Variants in FAM81B observed in about 807,000 individuals in gnomAD.
FAM81B encodes family with sequence similarity 81 member B.
A neutral mutation model predicts 58.7 loss-of-function variants in FAM81B; 60 were observed. The ratio of observed to expected loss-of-function variants is 1.02; its 90% CI spans 0.83 to 1.27. The LOEUF (loss-of-function observed/expected upper bound fraction) is 1.27, where lower values mean the gene tolerates loss of function less well. Among genes scored for constraint, FAM81B ranks in the 50% most tolerant of loss-of-function variants. The pLI is 0.00. For synonymous variants in FAM81B, 189 were observed against 179.6 expected, an observed-to-expected ratio of 1.05 and a Z score of -0.42; for missense variants, 491 against 522.0, an observed-to-expected ratio of 0.94 and a Z score of 0.58.
At chr5:95,440,251 A>T (rs537001681) in intron 7 of FAM81B, 17 of 730,778 alleles carry the variant, frequency 2.3e-5, no homozygotes, top group Admixed American at 7.2e-5. Context: ...TATGGAGATA[A>T]TGCTGAAAAA....
At chr5:95,446,479 CA>C in intron 7 of FAM81B, 82 bp from the exon 8 acceptor site, 1 of 1,334,760 alleles carries the variant, frequency 7.5e-7, no homozygotes, top group Non-Finnish European at 1.0e-6. Context: ...CTCGTCACCT[CA>C]AAAAACTGCA....
intron 3 of FAM81B, among the ~76,000 whole-genome samples, chr5:95,409,843 G>A (rs1261611489): frequency 1.3e-5 from 2 of 152,204 alleles, no homozygotes; most frequent in Non-Finnish European, 2.9e-5. Context: ...CAACAGGGAA[G>A]AAACAAACTT....
At chr5:95,441,600 T>C (rs1367344542) in intron 7 of FAM81B, among the ~76,000 whole-genome samples, 1 of 151,496 alleles carries the variant, frequency 6.6e-6, no homozygotes, top group Non-Finnish European at 1.5e-5. Flanking sequence ...TAAAACTATG[T>C]CTGCAAATTA....
chr5:95,440,187 C>A, intron 7 of FAM81B: 1 of 616,486 alleles, frequency 1.6e-6, no homozygotes, highest in South Asian at 1.4e-5. Context: ...TTTCAAGATT[C>A]AAGATCAACA....
intron 3 of FAM81B, among the ~76,000 whole-genome samples, chr5:95,399,425 G>A (rs964883150): frequency 1.3e-5 from 2 of 152,142 alleles, no homozygotes; most frequent in African/African-American, 4.8e-5. Context: ...TAGGTTGGAT[G>A]GTGCTACTAT....
At chr5:95,442,537 CATG>C in intron 7 of FAM81B, among the ~76,000 whole-genome samples, 1 of 152,302 alleles carries the variant, frequency 6.6e-6, no homozygotes. Context: ...TTGATCAATT[CATG>C]ATGTTTCCAT....
chr5:95,402,744 A>AG (rs1561291932), intron 3 of FAM81B, among the ~76,000 whole-genome samples: 5 of 152,142 alleles, frequency 3.3e-5, no homozygotes, highest in Admixed American at 2.6e-4. Context: ...ACATTAGCCA[A>AG]TAGCACCTCA....
At chr5:95,437,146 C>T (rs1287401685) in intron 7 of FAM81B, among the ~76,000 whole-genome samples, 1 of 152,054 alleles carries the variant, frequency 6.6e-6, no homozygotes, top group African/African-American at 2.4e-5. Flanking sequence ...ACTGAATTGA[C>T]ACAATCATTT....
intron 5 of FAM81B, among the ~76,000 whole-genome samples, chr5:95,426,268 G>C (rs908330682): frequency 6.1e-4 from 93 of 151,798 alleles, no homozygotes; most frequent in Non-Finnish European, 4.6e-4. Flanking sequence ...TTTTCTAATG[G>C]TGATGTACTA....
rs1761960464 is a variant in FAM81B at position 95,396,127 on chromosome 5, C to A, written c.245C>A (p.Ala82Asp). 1.9e-6 allele frequency: 3 copies of A among 1,607,976 alleles called. No homozygotes were observed. Among genetic ancestry groups the A allele is most frequent in the Non-Finnish European group, 2.5e-6 (3 of 1,177,830 alleles). The change falls in exon 3 of 10, where the codon GCC (alanine) becomes GAC (aspartate). Residue 82 changes from alanine to aspartate, a missense_variant. By Grantham distance (126) the Ala-to-Asp change is moderately radical. Coordinates refer to ENST00000283357, the MANE Select transcript of FAM81B (RefSeq NM_152548.3). ...NQEKKVRLSP[A>D]KMSTKNSTDL... ...TTGTTTTAGGTAAGATTATCTCCAGCCAAAATGTCAACCAAGAATTCTACA... is the reference window on the plus strand; with the variant it reads ...TTGTTTTAGGTAAGATTATCTCCAGACAAAATGTCAACCAAGAATTCTACA...
At chr5:95,415,822 A>T (rs1762525488) in intron 4 of FAM81B, among the ~76,000 whole-genome samples, 2 of 152,236 alleles carry the variant, frequency 1.3e-5, no homozygotes, top group South Asian at 4.1e-4. Context: ...AGATCCGCCC[A>T]GATGTACACT....
intron 7 of FAM81B, among the ~76,000 whole-genome samples, chr5:95,444,734 G>A (rs1275767781): frequency 6.6e-6 from 1 of 152,100 alleles, no homozygotes; most frequent in African/African-American, 2.4e-5. Context: ...AGAGAATTCA[G>A]AGGACAAAGA....
intron 3 of FAM81B, chr5:95,410,629 A>G (rs1762381291): frequency 6.6e-6 from 1 of 152,204 alleles, no homozygotes; most frequent in South Asian, 2.1e-4. Context: ...TATATACTAT[A>G]TATCTATACA....
chr5:95,426,575 G>A (rs1160096319), intron 5 of FAM81B, among the ~76,000 whole-genome samples: 1 of 152,092 alleles, frequency 6.6e-6, no homozygotes, highest in Non-Finnish European at 1.5e-5. Flanking sequence ...CACTATTCAG[G>A]ACAGCCACTT....
At chr5:95,401,816 C>G (rs933019430) in intron 3 of FAM81B, among the ~76,000 whole-genome samples, 1 of 152,170 alleles carries the variant, frequency 6.6e-6, no homozygotes, top group African/African-American at 2.4e-5. Context: ...AAGTGAGAGG[C>G]TCCATGTACC....
At chr5:95,413,713 T>C (rs994420314) in intron 3 of FAM81B, among the ~76,000 whole-genome samples, 2 of 152,186 alleles carry the variant, frequency 1.3e-5, no homozygotes, top group Non-Finnish European at 2.9e-5. Context: ...TCTTCTTTCA[T>C]GAATGCCTCT....
Position 95,391,608 on chromosome 5 carries a change from G to A in FAM81B, c.124+95G>A, listed in dbSNP as rs544115369. On this transcript the variant is annotated intron_variant, in intron 1 of 9. Transcript: ENST00000283357. ...TATAAACAAAATAATGAATCCCAAT[G>A]AAGACCCTCAGAAGGCTTGGGCACA... The A allele has an allele frequency of 4.0e-5, 54 of 1,366,360 alleles. No individual in the cohort carries two copies. In the East Asian group the frequency reaches 1.2e-3, roughly 30 times the overall value. 84.6% of individuals were successfully genotyped at this position (1,366,360 alleles called of 1,614,324 possible). A position where few individuals can be genotyped will look rare whatever the true frequency, so the allele number is the denominator to read the frequency against.
At chr5:95,435,307 G>A (rs1407706580) in intron 6 of FAM81B, among the ~76,000 whole-genome samples, 1 of 152,020 alleles carries the variant, frequency 6.6e-6, no homozygotes, top group Non-Finnish European at 1.5e-5. Flanking sequence ...GGGTTTTTGT[G>A]GGTTTTTATT....
chr5:95,419,900 T>C (rs1238802942), intron 4 of FAM81B, among the ~76,000 whole-genome samples: 3 of 152,244 alleles, frequency 2.0e-5, no homozygotes, highest in Admixed American at 6.5e-5. Context: ...AAAGCTTTTA[T>C]GTCAGTGATG....
Sources: gnomAD v4.1 joint callset for allele counts (sites outside exome capture counted in the v4.1 genomes callset) on GRCh38, gnomAD v4.1.1 for gene constraint, MANE v1.5 for transcripts, NCBI Gene and HGNC (gene_info 2026-07-23, HGNC 2026-07-21) for gene names.